The following TTC23L variants were observed in gnomAD, a reference collection of about 807,000 sequenced individuals.
The protein encoded by TTC23L is tetratricopeptide repeat domain 23 like, also known as tetratricopeptide repeat protein 23-like.
TTC23L carries 42 observed loss-of-function variants against 48.1 expected under a neutral mutation model. The ratio of observed to expected loss-of-function variants is 0.87; its 90% CI spans 0.68 to 1.13. The LOEUF is 1.13. TTC23L is among the 50% of genes most tolerant of loss of function. The pLI is 0.00. For synonymous variants in TTC23L, 159 were observed against 157.2 expected (o/e 1.01, Z -0.09); for missense variants, 391 against 421.0 (o/e 0.93, Z 0.62).
chr5:34,844,191 TC>T (rs1758919454), intron 2 of TTC23L, among the ~76,000 whole-genome samples: 2 of 152,106 alleles, frequency 1.3e-5, no homozygotes, highest in Admixed American at 1.3e-4. Flanking sequence ...TCCCTGGCTG[TC>T]CCATCAAATT....
At chr5:34,876,419 G>A (rs1383155236) in intron 8 of TTC23L, among the ~76,000 whole-genome samples, 2 of 150,006 alleles carry the variant, frequency 1.3e-5, no homozygotes, top group Non-Finnish European at 2.9e-5. Context: ...AAATGAAACA[G>A]GAGACATCAC....
intron 2 of TTC23L, among the ~76,000 whole-genome samples, chr5:34,844,015 G>A (rs575688517): frequency 8.5e-5 from 13 of 152,298 alleles, no homozygotes; most frequent in African/African-American, 3.1e-4. Context: ...GCAGTTTGGG[G>A]GAAATTTTTG....
At chr5:34,920,142 T>C in the TTC23L span, 1 of 260,750 alleles carries the variant, frequency 3.8e-6, no homozygotes, top group South Asian at 7.0e-5. Flanking sequence ...AACCCTGTAG[T>C]GTCTAGTATT....
the TTC23L span, chr5:34,921,826 G>A: frequency 6.5e-6 from 1 of 153,380 alleles, no homozygotes; most frequent in Non-Finnish European, 1.4e-5. Context: ...AGAATCATTT[G>A]AACCTGGGAG....
chr5:34,862,025 T>C (rs1314888302), intron 4 of TTC23L, among the ~76,000 whole-genome samples: 1 of 152,186 alleles, frequency 6.6e-6, no homozygotes, highest in Admixed American at 6.5e-5. Flanking sequence ...GGGAACCTGG[T>C]GCTAAATCAT....
the TTC23L span, chr5:34,925,287 A>T: frequency 1.2e-6 from 2 of 1,613,122 alleles, no homozygotes. Flanking sequence ...CAAGTGAAAG[A>T]TGTGCAAAAA....
intron 8 of TTC23L, among the ~76,000 whole-genome samples, chr5:34,873,591 T>C (rs1284664528): frequency 1.3e-5 from 2 of 152,132 alleles, no homozygotes; most frequent in Non-Finnish European, 2.9e-5. Context: ...GGGCAAACTC[T>C]GGAGGAAATG....
At chr5:34,880,083 TG>T in intron 8 of TTC23L, 97 bp from the exon 9 acceptor site, 1 of 1,424,928 alleles carries the variant, frequency 7.0e-7, no homozygotes, top group Non-Finnish European at 9.5e-7. Flanking sequence ...AGAACAAGCA[TG>T]GACTTTAAGC....
At chr5:34,895,261 A>T (rs1437726008) in intron 9 of TTC23L, among the ~76,000 whole-genome samples, 1 of 152,222 alleles carries the variant, frequency 6.6e-6, no homozygotes, top group African/African-American at 2.4e-5. Context: ...GCCATTAGGC[A>T]AGTTATCTTA....
intron 3 of TTC23L, 157 bp downstream of exon 3, chr5:34,845,830 G>T: frequency 1.4e-6 from 1 of 719,046 alleles, no homozygotes; most frequent in South Asian, 2.1e-5. Context: ...TACTTAGGTA[G>T]CCAGCCCACC....
At chr5:34,906,698 A>T in the TTC23L span, 10 of 152,196 alleles carry the variant, frequency 6.6e-5, no homozygotes, top group Non-Finnish European at 1.5e-5. Flanking sequence ...CATCAGAATT[A>T]AGTAGTGACT....
intron 1 of TTC23L, 115 bp from the exon 2 acceptor site, chr5:34,840,550 G>A (rs1758563315): frequency 1.2e-6 from 1 of 826,740 alleles, no homozygotes; most frequent in Non-Finnish European, 2.1e-6. Flanking sequence ...GTGGATTTAG[G>A]ATGGGTTATA....
the TTC23L span, among the ~76,000 whole-genome samples, chr5:34,924,132 CTCAT>C: frequency 6.6e-6 from 1 of 152,160 alleles, no homozygotes; most frequent in South Asian, 2.1e-4. Flanking sequence ...CACACAGTGA[CTCAT>C]TCAGGAGAAA....
At chr5:34,898,733 C>T (rs980683136) in intron 10 of TTC23L, among the ~76,000 whole-genome samples, 3 of 152,136 alleles carry the variant, frequency 2.0e-5, no homozygotes, top group African/African-American at 7.2e-5. Flanking sequence ...ATAGAAACCC[C>T]AAGTTCATAA....
At chr5:34,843,263 T>C (rs1758846787) in intron 2 of TTC23L, among the ~76,000 whole-genome samples, 1 of 152,266 alleles carries the variant, frequency 6.6e-6, no homozygotes, top group Non-Finnish European at 1.5e-5. Flanking sequence ...TTCCTATTCA[T>C]GATGGTAACA....
At chr5:34,844,862 C>G in intron 2 of TTC23L, among the ~76,000 whole-genome samples, 1 of 152,192 alleles carries the variant, frequency 6.6e-6, no homozygotes, top group East Asian at 1.9e-4. Context: ...GGTTCCCTCC[C>G]TGTCTCTGGT....
the TTC23L span, chr5:34,920,087 A>C: frequency 2.6e-6 from 1 of 377,630 alleles, no homozygotes; most frequent in South Asian, 3.7e-5. Flanking sequence ...TGTCTGAACA[A>C]GCATATTGAA....
chr5:34,915,541 C>A, the TTC23L span: 3 of 600,060 alleles, frequency 5.0e-6, no homozygotes, highest in Non-Finnish European at 5.4e-6. Flanking sequence ...CGGCCCTCCA[C>A]CTCGGCCACC....
intron 4 of TTC23L, among the ~76,000 whole-genome samples, chr5:34,860,125 G>A (rs1048976881): frequency 3.9e-5 from 6 of 152,070 alleles, no homozygotes; most frequent in Non-Finnish European, 8.8e-5. Flanking sequence ...GGGATTACAG[G>A]CGTGAGCCAC....
Sources: gnomAD v4.1 joint callset for allele counts (sites outside exome capture counted in the v4.1 genomes callset) on GRCh38, gnomAD v4.1.1 for gene constraint, MANE v1.5 for transcripts, NCBI Gene and HGNC (gene_info 2026-07-23, HGNC 2026-07-21) for gene names.